Variants in RASAL2 observed in about 807,000 individuals in gnomAD.
RASAL2 encodes RAS protein activator like 2, also known as ras GTPase-activating protein nGAP.
Under a neutral mutation model 128.9 loss-of-function variants are expected in RASAL2, and 58 were observed. The observed-to-expected ratio is 0.45, with a 90% confidence interval of 0.36 to 0.56. The LOEUF (loss-of-function observed/expected upper bound fraction) is 0.56, where lower values mean the gene tolerates loss of function less well. Among genes scored for constraint, RASAL2 ranks in the 20% least tolerant of loss-of-function variants. RASAL2 has a pLI of 0.00. For missense variants in RASAL2, 1,360 were observed against 1,601.6 expected, an observed-to-expected ratio of 0.85 and a Z score of 2.57; for synonymous variants, 561 against 580.8, an observed-to-expected ratio of 0.97 and a Z score of 0.49.
At position 178,408,086 on chromosome 1, in the gene RASAL2, T is replaced by C. The variant is rs544272889; in HGVS notation, c.565-12425T>C. Among the ~76,000 whole-genome samples the C allele has an allele frequency of 4.2e-4, 64 of 152,358 alleles. 1 individual carries two copies. In the South Asian group the frequency reaches 0.013, roughly 31 times the overall value. On this transcript the variant is annotated intron_variant, in intron 4 of 17. Transcript: ENST00000367649. ...TAATGAATACCAACTAATTAAATTA[T>C]TTTAGTTGTATCAATTGCTATGACA...
At chr1:178,470,838 A>G (rs1648191219) in intron 17 of RASAL2, 1 of 830,314 alleles carries the variant, frequency 1.2e-6, no homozygotes. Context: ...CCTTCCTGTC[A>G]GGTGTGGACT....
At chr1:178,360,042 A>G (rs1671025711) in intron 3 of RASAL2, among the ~76,000 whole-genome samples, 1 of 152,172 alleles carries the variant, frequency 6.6e-6, no homozygotes, top group Non-Finnish European at 1.5e-5. Context: ...CAATTGTGCT[A>G]TCACTGCTAG....
chr1:178,430,772 T>G (rs147558414), intron 5 of RASAL2, among the ~76,000 whole-genome samples: 56 of 152,190 alleles, frequency 3.7e-4, no homozygotes, highest in African/African-American at 1.2e-3. Context: ...TAAGTGGTTC[T>G]AGCTGATGTG....
chr1:178,395,675 C>G (rs926925955), intron 4 of RASAL2, among the ~76,000 whole-genome samples: 14 of 151,748 alleles, frequency 9.2e-5, no homozygotes, highest in South Asian at 2.1e-4. Flanking sequence ...CTTAAAGACT[C>G]TCTATCCGTG....
intron 4 of RASAL2, among the ~76,000 whole-genome samples, chr1:178,417,928 T>G (rs893066800): frequency 1.3e-5 from 2 of 152,148 alleles, no homozygotes; most frequent in African/African-American, 4.8e-5. Flanking sequence ...AACCTAGGCC[T>G]AGCAATCCTA....
At chr1:178,258,493 G>A (rs935802811) in intron 1 of RASAL2, among the ~76,000 whole-genome samples, 8 of 152,124 alleles carry the variant, frequency 5.3e-5, no homozygotes, top group African/African-American at 1.9e-4. Context: ...TATACAAATA[G>A]CCAGTAAGCA....
At chr1:178,235,599 C>CGTGTGT (rs149134252) in intron 1 of RASAL2, among the ~76,000 whole-genome samples, 121 of 150,072 alleles carry the variant, frequency 8.1e-4, no homozygotes, top group Non-Finnish European at 4.9e-4. Context: ...GCTTCGTGTG[C>CGTGTGT]GTGTGTGTGT....
chr1:178,355,910 C>T (rs1670779942), intron 3 of RASAL2, among the ~76,000 whole-genome samples: 1 of 152,212 alleles, frequency 6.6e-6, no homozygotes, highest in African/African-American at 2.4e-5. Context: ...GTGGCTCACG[C>T]CTGTAATCCC....
intron 1 of RASAL2, among the ~76,000 whole-genome samples, chr1:178,251,372 G>A (rs1665049942): frequency 6.6e-6 from 1 of 152,088 alleles, no homozygotes; most frequent in African/African-American, 2.4e-5. Context: ...GTGCAATGTG[G>A]GAGTGTTGAT....
intron 2 of RASAL2, among the ~76,000 whole-genome samples, chr1:178,292,427 A>G (rs561622291): frequency 3.3e-5 from 5 of 152,336 alleles, no homozygotes; most frequent in Admixed American, 1.3e-4. Context: ...AAATATTCCA[A>G]TGACCAATCT....
intron 17 of RASAL2, among the ~76,000 whole-genome samples, chr1:178,469,897 T>C (rs569829278): frequency 3.9e-5 from 6 of 152,330 alleles, no homozygotes; most frequent in East Asian, 1.9e-4. Flanking sequence ...AAAGAATAGT[T>C]GGGAGAATCC....
chr1:178,234,508 T>A (rs926493976), intron 1 of RASAL2, among the ~76,000 whole-genome samples: 2 of 152,216 alleles, frequency 1.3e-5, no homozygotes, highest in Admixed American at 6.5e-5. Flanking sequence ...AAAATCTTAT[T>A]TGGGACTTTT....
intron 1 of RASAL2, among the ~76,000 whole-genome samples, chr1:178,108,945 A>G (rs1242341884): frequency 6.6e-6 from 1 of 152,188 alleles, no homozygotes; most frequent in East Asian, 1.9e-4. Context: ...TAGCTCTCTA[A>G]AATTCATGTA....
chr1:178,451,592 A>G lies in RASAL2; in HGVS notation c.1649A>G (p.Tyr550Cys). ...ATAGGGGAGTTTATCAAAGCTTTGT[A>G]TGAGTCCGATGAGAACTGTGAAGTG... ...DALGEFIKAL[Y>C]ESDENCEVDP... The change falls in exon 10 of 18, where the codon TAT becomes TGT. Residue 550 changes from tyrosine to cysteine, a missense_variant. Tyr to Cys is a radical substitution (Grantham distance 194). This residue lies in a region of RASAL2 where 617 missense variants were observed against 714.2 expected (regional missense o/e 0.86). Transcript: ENST00000367649. The G allele has an allele frequency of 2.5e-6, 4 of 1,613,698 alleles. No individual in the cohort carries two copies. Among genetic ancestry groups the G allele is most frequent in the African/African-American group, 1.3e-5 (1 of 75,026 alleles).
In RASAL2 at chr1:178,441,150, C is replaced by T. The variant is rs74131359; in HGVS notation, c.829-399C>T. Reference sequence around the variant, plus strand: ...CAGATGTAGATGTAGATATAAGTATCGGAAAACTAGCAAAGATCATCTTAG... The same window carrying T: ...CAGATGTAGATGTAGATATAAGTATTGGAAAACTAGCAAAGATCATCTTAG... On this transcript the variant is annotated intron_variant, in intron 6 of 17. Coordinates refer to ENST00000367649, the MANE Select transcript of RASAL2 (RefSeq NM_170692.4). Among the ~76,000 whole-genome samples, 844 of 144,032 alleles carry T rather than the reference C, an allele frequency of 5.9e-3. 10 individuals carry two copies. Among genetic ancestry groups the T allele is most frequent in the African/African-American group, 0.02 (786 of 38,842 alleles). 94.5% of individuals were successfully genotyped at this position (144,032 alleles called of 152,430 possible). A position where few individuals can be genotyped will look rare whatever the true frequency, so the allele number is the denominator to read the frequency against.
intron 17 of RASAL2, chr1:178,470,688 T>C: frequency 7.3e-7 from 1 of 1,365,584 alleles, no homozygotes; most frequent in Non-Finnish European, 9.8e-7. Context: ...TGTGTTAAAT[T>C]ACAGGTCATA....
chr1:178,265,950 T>G (rs1333145365), intron 1 of RASAL2, among the ~76,000 whole-genome samples: 2 of 152,232 alleles, frequency 1.3e-5, no homozygotes, highest in Admixed American at 1.3e-4. Context: ...TCTTTCATTC[T>G]CCCTGGTATA....
intron 1 of RASAL2, among the ~76,000 whole-genome samples, chr1:178,103,882 T>G (rs963187603): frequency 6.6e-6 from 1 of 152,146 alleles, no homozygotes; most frequent in Non-Finnish European, 1.5e-5. Context: ...GGATTTTTCT[T>G]TTATGGCTTT....
intron 3 of RASAL2, among the ~76,000 whole-genome samples, chr1:178,380,681 C>T (rs1672234682): frequency 6.6e-6 from 1 of 152,036 alleles, no homozygotes; most frequent in South Asian, 2.1e-4. Flanking sequence ...TTAATAATCC[C>T]TGCAGACAAG....
Sources: allele counts gnomAD v4.1 joint callset (sites outside exome capture counted in the v4.1 genomes callset), GRCh38; gene constraint gnomAD v4.1.1; regional missense constraint gnomAD v4.1.1; transcripts MANE v1.5; gene names NCBI Gene and HGNC (gene_info 2026-07-23, HGNC 2026-07-21).